SYT1: variants seen among roughly 807,000 people sequenced by gnomAD.
SYT1 encodes synaptotagmin-1.
Under a neutral mutation model 44.8 loss-of-function variants are expected in SYT1, and 8 were observed. The observed-to-expected ratio is 0.18, with a 90% CI of 0.10 to 0.32. The LOEUF is 0.32. SYT1 is among the 10% of genes least tolerant of loss of function. The probability of loss-of-function intolerance (pLI) is 1.00; values close to 1 mark genes in which losing one functional copy is unlikely to be tolerated. For missense variants in SYT1, 286 were observed against 509.3 expected, an observed-to-expected ratio of 0.56 and a Z score of 4.22; for synonymous variants, 154 against 188.8, an observed-to-expected ratio of 0.82 and a Z score of 1.51.
intron 8 of SYT1, among the ~76,000 whole-genome samples, chr12:79,312,847 A>AT (rs1446748198): frequency 2.1e-5 from 2 of 93,702 alleles, no homozygotes; most frequent in Non-Finnish European, 4.2e-5. Flanking sequence ...AGGCCATTTT[A>AT]TTTTTCAGAG....
At chr12:79,034,811 A>C (rs183788713) in intron 2 of SYT1, among the ~76,000 whole-genome samples, 1 of 151,834 alleles carries the variant, frequency 6.6e-6, no homozygotes, top group Admixed American at 6.6e-5. Context: ...ACCTTTTTAA[A>C]AAGTTTTATT....
chr12:78,956,663 G>A (rs2137318301), intron 1 of SYT1, among the ~76,000 whole-genome samples: 2 of 152,056 alleles, frequency 1.3e-5, no homozygotes, highest in South Asian at 2.1e-4. Flanking sequence ...CAATTACTCT[G>A]TAATATTTAT....
chr12:79,130,115 G>T (rs914182005), intron 3 of SYT1, among the ~76,000 whole-genome samples: 2 of 152,136 alleles, frequency 1.3e-5, no homozygotes, highest in East Asian at 3.9e-4. Flanking sequence ...GGGGTATACA[G>T]TTATAGCCAC....
chr12:78,969,833 A>T (rs1868334342), intron 1 of SYT1, among the ~76,000 whole-genome samples: 1 of 152,182 alleles, frequency 6.6e-6, no homozygotes, highest in African/African-American at 2.4e-5. Context: ...TTCACTGGAT[A>T]TATTATAGAA....
chr12:79,405,641 G>A (rs1301148170), intron 9 of SYT1, among the ~76,000 whole-genome samples: 1 of 152,144 alleles, frequency 6.6e-6, no homozygotes, highest in Non-Finnish European at 1.5e-5. Flanking sequence ...TGGGCTGCAA[G>A]TAACAGAAAA....
chr12:79,268,215 G>C (rs1430584145), intron 4 of SYT1, among the ~76,000 whole-genome samples: 1 of 152,114 alleles, frequency 6.6e-6, no homozygotes, highest in Non-Finnish European at 1.5e-5. Context: ...CTAAAGTTTT[G>C]ATGTATTGAC....
chr12:79,451,207 A>G lies in SYT1; in HGVS notation c.*2083A>G, dbSNP rs1871039316. The stretch of plus-strand genomic sequence containing the variant: ...TTAGGCCAGACATAGCAAACGCTTT[A>G]TAATTGGCATAGACATAAAGGATAA... On this transcript the variant is annotated 3_prime_UTR_variant, in exon 11 of 11. Transcript: ENST00000261205. 1 of 152,250 alleles carries G rather than the reference A, an allele frequency of 6.6e-6. No homozygotes were observed. Among genetic ancestry groups the G allele is most frequent in the Non-Finnish European group, 1.5e-5 (1 of 68,050 alleles). 9.4% of individuals were successfully genotyped at this position (152,250 alleles called of 1,614,324 possible).
intron 9 of SYT1, among the ~76,000 whole-genome samples, chr12:79,440,140 C>T (rs1346544661): frequency 1.3e-5 from 2 of 152,054 alleles, no homozygotes; most frequent in Non-Finnish European, 2.9e-5. Flanking sequence ...ATCGCTTGAA[C>T]CTGGGAGGCA....
intron 8 of SYT1, among the ~76,000 whole-genome samples, chr12:79,301,218 C>T (rs934050357): frequency 1.3e-5 from 2 of 152,052 alleles, no homozygotes; most frequent in Non-Finnish European, 2.9e-5. Flanking sequence ...ACCACTGGTA[C>T]TTCACAATGC....
chr12:79,170,467 T>A (rs1385003186), intron 3 of SYT1, among the ~76,000 whole-genome samples: 2 of 152,070 alleles, frequency 1.3e-5, no homozygotes, highest in South Asian at 2.1e-4. Context: ...GAACTTTTTT[T>A]ATATGATTTT....
At chr12:78,931,305 A>G (rs571870370) in intron 1 of SYT1, among the ~76,000 whole-genome samples, 1 of 49,188 alleles carries the variant, frequency 2.0e-5, no homozygotes, top group Non-Finnish European at 3.9e-5. Context: ...GAAGGAAGGA[A>G]GGAGAGGGAG....
chr12:79,103,876 C>G (rs1878568320), intron 3 of SYT1, among the ~76,000 whole-genome samples: 1 of 152,038 alleles, frequency 6.6e-6, no homozygotes, highest in East Asian at 1.9e-4. Context: ...ATGTACTTAC[C>G]CACACCAGCA....
At chr12:79,297,143 A>G (rs766479053) in intron 7 of SYT1, among the ~76,000 whole-genome samples, 2 of 152,174 alleles carry the variant, frequency 1.3e-5, no homozygotes, top group Admixed American at 6.5e-5. Context: ...CTTGTTTTCA[A>G]TTATGTAAAG....
intron 3 of SYT1, among the ~76,000 whole-genome samples, chr12:79,144,136 G>A (rs1257627510): frequency 2.0e-5 from 3 of 152,090 alleles, no homozygotes; most frequent in Non-Finnish European, 2.9e-5. Flanking sequence ...AGTTTACAAT[G>A]CATCAAATTA....
intron 4 of SYT1, among the ~76,000 whole-genome samples, chr12:79,272,453 G>T (rs953529025): frequency 1.3e-5 from 2 of 152,166 alleles, no homozygotes; most frequent in African/African-American, 4.8e-5. Flanking sequence ...CATTGAAGGA[G>T]AAATGGCAAA....
intron 1 of SYT1, among the ~76,000 whole-genome samples, chr12:78,953,093 A>G (rs1592599498): frequency 1.3e-5 from 2 of 152,220 alleles, no homozygotes; most frequent in South Asian, 4.1e-4. Context: ...ACTGTATTCT[A>G]GCCTTTAACA....
At chr12:78,904,099 T>C (rs910140817) in intron 1 of SYT1, among the ~76,000 whole-genome samples, 3 of 152,054 alleles carry the variant, frequency 2.0e-5, no homozygotes, top group African/African-American at 4.8e-5. Context: ...AACCAAAATT[T>C]AGTCATAAAC....
At chr12:78,965,671 T>C (rs1486599138) in intron 1 of SYT1, among the ~76,000 whole-genome samples, 2 of 152,160 alleles carry the variant, frequency 1.3e-5, no homozygotes, top group Non-Finnish European at 2.9e-5. Flanking sequence ...ACATAGTTAA[T>C]AAGTCCCAGA....
At chr12:78,917,316 T>C (rs945089780) in intron 1 of SYT1, among the ~76,000 whole-genome samples, 3 of 152,030 alleles carry the variant, frequency 2.0e-5, no homozygotes, top group African/African-American at 4.8e-5. Flanking sequence ...GAATTCTTTA[T>C]CATCCTGTCT....
Sources: allele counts gnomAD v4.1 joint callset (sites outside exome capture counted in the v4.1 genomes callset), GRCh38; gene constraint gnomAD v4.1.1; transcripts MANE v1.5; gene names NCBI Gene and HGNC (gene_info 2026-07-23, HGNC 2026-07-21).